The following CCSER1 variants were observed in gnomAD, a reference collection of about 807,000 sequenced individuals.
The protein encoded by CCSER1 is coiled-coil serine rich protein 1.
Under a neutral mutation model 82.0 loss-of-function variants are expected in CCSER1, and 41 were observed. That is an observed-to-expected ratio of 0.50 (90% CI 0.39 to 0.65). CCSER1 has a LOEUF of 0.65. CCSER1 is among the 30% of genes least tolerant of loss of function. The pLI is 0.00. For synonymous variants in CCSER1, 414 were observed against 383.9 expected (o/e 1.08, Z -0.92); for missense variants, 1,119 against 1,064.2 (o/e 1.05, Z -0.72).
intron 1 of CCSER1, among the ~76,000 whole-genome samples, chr4:90,238,317 C>T (rs778940863): frequency 1.8e-4 from 28 of 152,188 alleles, no homozygotes; most frequent in Middle Eastern, 3.4e-3. Flanking sequence ...ATCATTGCTT[C>T]TGTTGCATAC....
chr4:90,639,019 A>G (rs955185248), intron 6 of CCSER1, among the ~76,000 whole-genome samples: 3 of 152,104 alleles, frequency 2.0e-5, no homozygotes, highest in African/African-American at 7.2e-5. Context: ...AAGCAATAAA[A>G]TGTGTACAGA....
intron 3 of CCSER1, among the ~76,000 whole-genome samples, chr4:90,365,397 A>T (rs758729292): frequency 6.6e-6 from 1 of 151,860 alleles, no homozygotes; most frequent in Non-Finnish European, 1.5e-5. Flanking sequence ...ATATATACAT[A>T]CATTTCTAAT....
At chr4:90,489,243 A>G (rs1767585060) in intron 5 of CCSER1, among the ~76,000 whole-genome samples, 1 of 152,210 alleles carries the variant, frequency 6.6e-6, no homozygotes, top group African/African-American at 2.4e-5. Context: ...AAGAGAAAAT[A>G]TTTCTGCATA....
intron 10 of CCSER1, among the ~76,000 whole-genome samples, chr4:91,386,714 T>C (rs1751310327): frequency 6.6e-6 from 1 of 152,006 alleles, no homozygotes; most frequent in African/African-American, 2.4e-5. Context: ...ATGAAAGCAA[T>C]GAACTTTGTT....
chr4:91,099,929 C>T (rs1391623189), intron 10 of CCSER1, among the ~76,000 whole-genome samples: 1 of 152,094 alleles, frequency 6.6e-6, no homozygotes, highest in Non-Finnish European at 1.5e-5. Context: ...AGAAAAAAAA[C>T]TAGCTATGTT....
At chr4:91,119,054 C>G (rs1426154645) in intron 10 of CCSER1, among the ~76,000 whole-genome samples, 2 of 152,158 alleles carry the variant, frequency 1.3e-5, no homozygotes, top group Admixed American at 1.3e-4. Flanking sequence ...AAGTTGCAAT[C>G]TGCAGTTTTG....
At chr4:91,430,355 G>A (rs969428005) in intron 10 of CCSER1, among the ~76,000 whole-genome samples, 4 of 152,114 alleles carry the variant, frequency 2.6e-5, no homozygotes, top group African/African-American at 9.7e-5. Flanking sequence ...TATTTGAAAC[G>A]TATTAGATTT....
intron 10 of CCSER1, among the ~76,000 whole-genome samples, chr4:91,100,067 T>G (rs1190918697): frequency 6.6e-6 from 1 of 152,184 alleles, no homozygotes; most frequent in Non-Finnish European, 1.5e-5. Context: ...CTTGTAATGT[T>G]ATGCCAGAGT....
chr4:90,938,806 T>A (rs1056310330), intron 9 of CCSER1: 2 of 241,796 alleles, frequency 8.3e-6, no homozygotes, highest in African/African-American at 4.5e-5. Flanking sequence ...GTAAAATCAA[T>A]TTTTTCATCA....
chr4:91,261,428 T>C (rs1741121349), intron 10 of CCSER1, among the ~76,000 whole-genome samples: 3 of 152,220 alleles, frequency 2.0e-5, no homozygotes. Context: ...ATTATCCCAG[T>C]AGCATTCTTC....
intron 7 of CCSER1, among the ~76,000 whole-genome samples, chr4:90,785,853 C>T (rs1754441375): frequency 6.6e-6 from 1 of 151,934 alleles, no homozygotes. Context: ...TATTAATATC[C>T]AAAGGATTAA....
intron 6 of CCSER1, among the ~76,000 whole-genome samples, chr4:90,665,318 G>T (rs1000351652): frequency 2.1e-5 from 3 of 139,582 alleles, no homozygotes; most frequent in African/African-American, 8.2e-5. Flanking sequence ...CATATGCTGA[G>T]ATTTTTTTTT....
chr4:91,470,581 G>A (rs762409379), intron 10 of CCSER1, among the ~76,000 whole-genome samples: 1 of 152,104 alleles, frequency 6.6e-6, no homozygotes, highest in Non-Finnish European at 1.5e-5. Context: ...TTACAGACAT[G>A]AGCCACACCA....
chr4:91,341,115 G>T (rs1377634557), intron 10 of CCSER1, among the ~76,000 whole-genome samples: 1 of 152,126 alleles, frequency 6.6e-6, no homozygotes, highest in East Asian at 1.9e-4. Context: ...GCTGCCTTCT[G>T]CTGTTTTATT....
At chr4:90,649,003 C>T (rs531596563) in intron 6 of CCSER1, among the ~76,000 whole-genome samples, 3 of 152,186 alleles carry the variant, frequency 2.0e-5, no homozygotes, top group South Asian at 2.1e-4. Context: ...ATGTGCATGG[C>T]GATAAGGCTT....
chr4:91,527,665 T>C (rs1760831943), intron 10 of CCSER1, among the ~76,000 whole-genome samples: 1 of 152,172 alleles, frequency 6.6e-6, no homozygotes, highest in Non-Finnish European at 1.5e-5. Context: ...CCGTCTACTG[T>C]GATAGAATAT....
chr4:90,364,526 A>G (rs1745933601), intron 3 of CCSER1, among the ~76,000 whole-genome samples: 1 of 152,088 alleles, frequency 6.6e-6, no homozygotes, highest in Non-Finnish European at 1.5e-5. Flanking sequence ...TGTAAAGCCA[A>G]ATATATATTT....
chr4:90,321,066 G>A (rs1737063152), intron 3 of CCSER1, among the ~76,000 whole-genome samples: 1 of 151,704 alleles, frequency 6.6e-6, no homozygotes, highest in African/African-American at 2.4e-5. Flanking sequence ...TTTGTGTTAG[G>A]GACATTCCAA....
intron 4 of CCSER1, among the ~76,000 whole-genome samples, chr4:90,412,063 C>G (rs1360234645): frequency 6.6e-6 from 1 of 151,830 alleles, no homozygotes; most frequent in Non-Finnish European, 1.5e-5. Flanking sequence ...TTGAACCAAG[C>G]CAAATGTCCA....
Sources: allele counts gnomAD v4.1 joint callset (sites outside exome capture counted in the v4.1 genomes callset), GRCh38; gene constraint gnomAD v4.1.1; transcripts MANE v1.5; gene names NCBI Gene and HGNC (gene_info 2026-07-23, HGNC 2026-07-21).